The following TRHDE variants were observed in gnomAD, a reference collection of about 807,000 sequenced individuals.
TRHDE encodes thyrotropin releasing hormone degrading enzyme.
Under a neutral mutation model 125.7 loss-of-function variants are expected in TRHDE, and 72 were observed. That is an observed-to-expected ratio of 0.57 (90% confidence interval 0.47 to 0.70). The LOEUF (loss-of-function observed/expected upper bound fraction) is 0.70. Ranked by LOEUF, TRHDE falls within the 30% of genes least tolerant of loss-of-function variation. The pLI, the probability that TRHDE is intolerant of heterozygous loss-of-function variation, is 0.00. For missense variants in TRHDE, 1,110 were observed against 1,327.1 expected, an observed-to-expected ratio of 0.84 and a Z score of 2.54; for synonymous variants, 509 against 509.1, an observed-to-expected ratio of 1.00 and a Z score of 0.00.
At chr12:72,384,624 A>G (rs1225834615) in intron 3 of TRHDE, among the ~76,000 whole-genome samples, 1 of 152,170 alleles carries the variant, frequency 6.6e-6, no homozygotes, top group Non-Finnish European at 1.5e-5. Flanking sequence ...ATTGTATAGT[A>G]GGAAAGTCCA....
At chr12:72,253,801 T>C (rs946401559) in intron 2 of TRHDE, 1 of 152,190 alleles carries the variant, frequency 6.6e-6, no homozygotes. Flanking sequence ...TATAATCATC[T>C]TCTTTAGCCT....
rs73316861 is a variant in TRHDE at position 72,662,127 on chromosome 12, C to A, written c.3067-925C>A. Among the ~76,000 whole-genome samples the A allele has an allele frequency of 2.4e-3, 361 of 152,294 alleles. 3 individuals are homozygous for A. Among genetic ancestry groups the A allele is most frequent in the African/African-American group, 8.2e-3 (340 of 41,574 alleles). On this transcript the variant is annotated intron_variant, in intron 18 of 18. Transcript: ENST00000261180. ...AATCTTGATACACTGCATTTCCCTC[C>A]TGGCATATCTTCCATGTGGTGCCCA...
At chr12:72,554,993 G>T (rs1869849830) in intron 7 of TRHDE, among the ~76,000 whole-genome samples, 1 of 152,182 alleles carries the variant, frequency 6.6e-6, no homozygotes, top group African/African-American at 2.4e-5. Flanking sequence ...GATGTGAGAA[G>T]ATGCCATTGT....
chr12:72,307,292 G>A (rs1868357229), intron 2 of TRHDE, among the ~76,000 whole-genome samples: 1 of 151,442 alleles, frequency 6.6e-6, no homozygotes, highest in Non-Finnish European at 1.5e-5. Context: ...AGCCTCCCGA[G>A]TAGCCAGGAT....
At chr12:72,156,500 G>A (rs1040779990) in intron 2 of TRHDE, among the ~76,000 whole-genome samples, 5 of 152,130 alleles carry the variant, frequency 3.3e-5, no homozygotes, top group South Asian at 2.1e-4. Context: ...GCTGGGAGCT[G>A]TAGACTGGAT....
intron 12 of TRHDE, among the ~76,000 whole-genome samples, chr12:72,614,330 A>ATATATTTTTTTT (rs531067163): frequency 3.1e-5 from 4 of 129,860 alleles, no homozygotes; most frequent in African/African-American, 1.2e-4. Flanking sequence ...ATATATATAT[A>ATATATTTTTTTT]TTTTTTTTTT....
At chr12:72,381,277 CA>C (rs1358575819) in intron 3 of TRHDE, among the ~76,000 whole-genome samples, 1 of 151,942 alleles carries the variant, frequency 6.6e-6, no homozygotes, top group East Asian at 1.9e-4. Flanking sequence ...GTGTGACAAC[CA>C]GATAAGAGGC....
At chr12:72,096,134 T>TACAC (rs144560604) in intron 1 of TRHDE, among the ~76,000 whole-genome samples, 13,841 of 144,588 alleles carry the variant, frequency 0.096, 771 homozygotes, top group African/African-American at 0.14. Flanking sequence ...CTTATGTGTA[T>TACAC]ACACACACAC....
chr12:72,376,706 A>G (rs1470882809), intron 2 of TRHDE, among the ~76,000 whole-genome samples: 1 of 152,162 alleles, frequency 6.6e-6, no homozygotes, highest in East Asian at 1.9e-4. Flanking sequence ...CTCTTTAGGC[A>G]GAGATAATAA....
intron 18 of TRHDE, among the ~76,000 whole-genome samples, chr12:72,659,490 A>G (rs1476473264): frequency 1.3e-5 from 2 of 152,194 alleles, no homozygotes; most frequent in Non-Finnish European, 2.9e-5. Context: ...TTACAGTTTT[A>G]ATATTGAAGA....
At chr12:72,377,032 T>G (rs907904381) in intron 2 of TRHDE, among the ~76,000 whole-genome samples, 3 of 152,160 alleles carry the variant, frequency 2.0e-5, no homozygotes, top group Non-Finnish European at 4.4e-5. Context: ...AGAAATTAAG[T>G]AATTTGTTCA....
rs553901812 is a variant in TRHDE at position 72,524,819 on chromosome 12, G to A, written c.1723-17472G>A. Among the ~76,000 whole-genome samples, 3 of 152,252 alleles carry A rather than the reference G, an allele frequency of 2.0e-5. No individual in the cohort carries two copies. The East Asian group carries it at 5.8e-4, about 29-fold the overall frequency. On this transcript the variant is annotated intron_variant, in intron 6 of 18. Transcript: ENST00000261180. The stretch of plus-strand genomic sequence containing the variant: ...CTGCTAAATAAAGCTTCTACTATAA[G>A]AGGAGGCCCCGCAACACTTTGTCTG...
Position 72,279,379 on chromosome 12 carries a change from A to G in TRHDE, c.914+5822A>G, listed in dbSNP as rs149001808. Among the ~76,000 whole-genome samples the G allele has an allele frequency of 4.8e-3, 738 of 152,216 alleles. 4 individuals carry two copies. The highest frequency in any genetic ancestry group is 0.017 in the African/African-American group (694 of 41,546). On this transcript the variant is annotated intron_variant, in intron 1 of 18. Transcript: ENST00000261180. ...ATGCTCATCCTCCCAACCCCTAGCA[A>G]TCATAATCTTCATCATCACCATCAT...
chr12:72,565,957 T>C (rs958680575), intron 9 of TRHDE, among the ~76,000 whole-genome samples: 1 of 152,076 alleles, frequency 6.6e-6, no homozygotes, highest in Non-Finnish European at 1.5e-5. Context: ...AAGTTATTTT[T>C]TCTAATATCT....
chr12:72,137,438 C>A (rs1177255572), intron 2 of TRHDE: 1 of 152,174 alleles, frequency 6.6e-6, no homozygotes, highest in African/African-American at 2.4e-5. Context: ...GGCTGAGAGC[C>A]TTAAGGTTTG....
chr12:72,148,537 G>T (rs554092328), intron 2 of TRHDE, among the ~76,000 whole-genome samples: 1 of 152,246 alleles, frequency 6.6e-6, no homozygotes, highest in South Asian at 2.1e-4. Flanking sequence ...ATAACAGGTG[G>T]AGCAATCACA....
chr12:72,219,748 T>C (rs1877965416), intron 2 of TRHDE, among the ~76,000 whole-genome samples: 1 of 152,174 alleles, frequency 6.6e-6, no homozygotes, highest in Non-Finnish European at 1.5e-5. Context: ...CTTTTGTCCA[T>C]CTTGGTATTT....
rs754021379 is a variant in TRHDE at position 72,287,839 on chromosome 12, T to C, written c.1188+885T>C. On this transcript the variant is annotated intron_variant, in intron 2 of 18. Transcript: ENST00000261180. ...GCAATTACATTGCATTAGGGTAGAT[T>C]ATCCCATGTTGAATTAACAATTTTT... 2.2e-4 allele frequency among the ~76,000 whole-genome samples: 33 copies of C among 152,144 alleles called. 1 individual carries two copies. Among genetic ancestry groups the C allele is most frequent in the Non-Finnish European group, 4.1e-4 (28 of 67,988 alleles).
chr12:72,313,329 A>C (rs913355765), intron 2 of TRHDE, among the ~76,000 whole-genome samples: 3 of 151,970 alleles, frequency 2.0e-5, no homozygotes, highest in Non-Finnish European at 2.9e-5. Flanking sequence ...ACATATTAAT[A>C]CAAGTGTTTT....
Sources: allele counts gnomAD v4.1 joint callset (sites outside exome capture counted in the v4.1 genomes callset), GRCh38; gene constraint gnomAD v4.1.1; transcripts MANE v1.5; gene names NCBI Gene and HGNC (gene_info 2026-07-23, HGNC 2026-07-21).